The following ITFG2 variants were observed in gnomAD, a reference collection of about 807,000 sequenced individuals.
ITFG2 encodes the protein KICSTOR complex protein ITFG2.
Under a neutral mutation model 54.4 loss-of-function variants are expected in ITFG2, and 36 were observed. The ratio of observed to expected loss-of-function variants is 0.66; its 90% CI spans 0.51 to 0.87. The LOEUF is 0.87. ITFG2 is among the 40% of genes least tolerant of loss of function. The pLI, the probability that ITFG2 is intolerant of heterozygous loss-of-function variation, is 0.00. For synonymous variants in ITFG2, 211 were observed against 225.4 expected (o/e 0.94, Z 0.57); for missense variants, 524 against 576.7 (o/e 0.91, Z 0.94).
At position 2,812,708 on chromosome 12, in the gene ITFG2, G is replaced by T; in HGVS notation, c.-53G>T. ...CCGCTCTGGCGGCTGTCGCGACGGG[G>T]GTTCAGGGAATATTTACTGGGCCTC... is the stretch of plus-strand genomic sequence containing the variant. On this transcript the variant is annotated 5_prime_UTR_variant, in exon 1 of 12. Coordinates refer to ENST00000228799, the MANE Select transcript of ITFG2 (RefSeq NM_018463.4). 1.3e-6 allele frequency: 2 copies of T among 1,508,366 alleles called. No homozygotes were observed. Among genetic ancestry groups the T allele is most frequent in the Non-Finnish European group, 1.8e-6 (2 of 1,087,240 alleles). The allele number at this position is 1,508,366 out of a possible 1,614,324, so 93.4% of individuals were successfully genotyped here. A position where few individuals can be genotyped will look rare whatever the true frequency, so the allele number is the denominator to read the frequency against.
At chr12:2,854,798 G>A (rs2098081993) in intron 2 of ITFG2, 4 of 1,266,616 alleles carry the variant, frequency 3.2e-6, no homozygotes, top group Non-Finnish European at 4.3e-6. Context: ...CCAGAGCGGG[G>A]AAGGACAGAG....
At chr12:2,854,923 T>C in intron 2 of ITFG2, 1 of 1,535,414 alleles carries the variant, frequency 6.5e-7, no homozygotes. Flanking sequence ...CGGCTGGATG[T>C]TGCCCTGGGC....
downstream of ITFG2, among the ~76,000 whole-genome samples, chr12:2,831,741 TTCTC>T (rs1013438266): frequency 6.6e-6 from 1 of 152,088 alleles, no homozygotes; most frequent in Non-Finnish European, 1.5e-5. Context: ...CCTCCTTTCC[TTCTC>T]TCTCTTCTTT....
chr12:2,846,119 GTC>G (rs1603486202), intron 2 of ITFG2, among the ~76,000 whole-genome samples: 2 of 152,170 alleles, frequency 1.3e-5, no homozygotes, highest in African/African-American at 2.4e-5. Context: ...TTACTTCTGT[GTC>G]TCTGGCCGAT....
At position 2,845,151 on chromosome 12, in the gene ITFG2, A is replaced by G. The variant is rs1288243180; in HGVS notation, n.300+4156A>G. ...GCACAACTAAGGACAGGGCTCAGTG[A>G]TGGAAAAGAGGCATGAAGACAAGGG... On this transcript the variant is annotated intron_variant and non_coding_transcript_variant, in intron 2 of 3. Transcript: ENST00000537710. This position sits in a 1 kb window ranked among gnomAD's most constrained non-coding sequence, Gnocchi z 4.2. Among the ~76,000 whole-genome samples, 2 of 152,128 alleles carry G rather than the reference A, an allele frequency of 1.3e-5. No homozygotes were observed. The highest frequency in any genetic ancestry group is 4.8e-5 in the African/African-American group (2 of 41,424).
At chr12:2,850,391 T>C (rs2098066124) in intron 2 of ITFG2, among the ~76,000 whole-genome samples, 1 of 150,568 alleles carries the variant, frequency 6.6e-6, no homozygotes, top group Non-Finnish European at 1.5e-5. Flanking sequence ...GGAGAATCAC[T>C]TGAACCCGGG....
At chr12:2,820,972 C>A in intron 6 of ITFG2, 100 bp downstream of exon 6, 1 of 1,278,874 alleles carries the variant, frequency 7.8e-7, no homozygotes, top group Non-Finnish European at 1.1e-6. Context: ...GTTGGCAGAG[C>A]TGCCTCATCT....
chr12:2,847,535 C>A (rs930051705), intron 2 of ITFG2, among the ~76,000 whole-genome samples: 1 of 152,016 alleles, frequency 6.6e-6, no homozygotes, highest in Non-Finnish European at 1.5e-5. Context: ...GGCATCGTGG[C>A]GCACGCCTGT....
Position 2,821,780 on chromosome 12 carries a change from A to G in ITFG2, c.936A>G (p.Lys312=). ...QVDHQLFALE[K]LDVTGNGHEE... is the part of the protein sequence containing the mutation. ...ATCACCAGCTCTTTGCCCTGGAGAA[A>G]CTGGATGTCACCGTGAGTGGAAAAC... Residue 312 remains lysine (K), a synonymous_variant, in exon 9 of 12, where the codon AAA becomes AAG. Transcript: ENST00000228799. 6.2e-7 allele frequency: 1 copy of G among 1,613,624 alleles called. No homozygotes were observed. The highest frequency in any genetic ancestry group is 8.5e-7 in the Non-Finnish European group (1 of 1,179,632).
chr12:2,852,224 C>T (rs893214145), intron 2 of ITFG2, among the ~76,000 whole-genome samples: 4 of 152,190 alleles, frequency 2.6e-5, no homozygotes, highest in East Asian at 1.9e-4. Context: ...CCTGGGCCTA[C>T]AGCAGTAAAC....
intron 1 of ITFG2, among the ~76,000 whole-genome samples, chr12:2,840,311 G>A (rs1204182568): frequency 1.8e-4 from 27 of 151,860 alleles, no homozygotes; most frequent in Admixed American, 1.8e-3. Context: ...AAATTAGCTG[G>A]GTGTGGTGGC....
intron 2 of ITFG2, chr12:2,855,498 G>A: frequency 7.4e-7 from 1 of 1,343,122 alleles, no homozygotes; most frequent in Non-Finnish European, 9.7e-7. Flanking sequence ...CAGGGGTGCA[G>A]AAAGGTGGGT....
chr12:2,831,523 G>T (rs1434333251), downstream of ITFG2, among the ~76,000 whole-genome samples: 1 of 151,870 alleles, frequency 6.6e-6, no homozygotes, highest in Non-Finnish European at 1.5e-5. Flanking sequence ...GGCAGAGGTT[G>T]CAATGAGCCA....
intron 3 of ITFG2, chr12:2,859,213 C>A: frequency 6.2e-7 from 1 of 1,612,216 alleles, no homozygotes; most frequent in Non-Finnish European, 8.5e-7. Flanking sequence ...GGGAGCTCTG[C>A]GGCCCAGCGG....
Position 2,838,963 on chromosome 12 carries a change from C to T in ITFG2, n.147-1879C>T, listed in dbSNP as rs549102601. Among the ~76,000 whole-genome samples the T allele has an allele frequency of 7.9e-5, 12 of 152,018 alleles. No homozygotes were observed. In the South Asian group the frequency reaches 1.3e-3, roughly 16 times the overall value. The stretch of plus-strand genomic sequence containing the variant: ...GCCCATGACAGCTCAGTCTCCTCCC[C>T]TCATAACTTTTTTACCTAACAGAGA... On this transcript the variant is annotated intron_variant and non_coding_transcript_variant, in intron 1 of 3. Transcript: ENST00000537710.
intron 2 of ITFG2, among the ~76,000 whole-genome samples, chr12:2,853,305 C>T (rs181761572): frequency 3.2e-4 from 49 of 152,078 alleles, no homozygotes; most frequent in African/African-American, 1.0e-3. Context: ...AACAAAGTCT[C>T]GCTCTTGTCA....
rs532160852 is a variant in ITFG2, at chr12:2,818,769, C to T, written c.406+492C>T. On this transcript the variant is annotated intron_variant, in intron 4 of 11. Transcript: ENST00000228799. ...GTGATGGCTCATCCCTATAATCCCA[C>T]GACTTTGGGAGGCCAAGGCAGGCAG... 6 of 167,732 alleles carry T rather than the reference C, an allele frequency of 3.6e-5. No homozygotes were observed. The East Asian group carries it at 5.0e-4, about 14-fold the overall frequency. 10.4% of individuals were successfully genotyped at this position (167,732 alleles called of 1,614,324 possible).
upstream of ITFG2, among the ~76,000 whole-genome samples, chr12:2,836,088 C>T (rs577007690): frequency 3.7e-4 from 57 of 152,324 alleles, no homozygotes; most frequent in South Asian, 6.2e-3. Flanking sequence ...TTTTTGCACA[C>T]ATCTCCTGGG....
Position 2,812,687 on chromosome 12 carries a change from T to G in ITFG2, c.-74T>G. Reference sequence around the variant, plus strand: ...CTTGCTGCCTTAGGTGGCCTTCCGCTCTGGCGGCTGTCGCGACGGGGGTTC... The same window carrying G: ...CTTGCTGCCTTAGGTGGCCTTCCGCGCTGGCGGCTGTCGCGACGGGGGTTC... On this transcript the variant is annotated 5_prime_UTR_variant, in exon 1 of 12. Coordinates refer to ENST00000228799, the MANE Select transcript of ITFG2 (RefSeq NM_018463.4). The G allele has an allele frequency of 7.6e-7, 1 of 1,319,622 alleles. No homozygotes were observed. Among genetic ancestry groups the G allele is most frequent in the South Asian group, 1.2e-5 (1 of 83,938 alleles). The allele number at this position is 1,319,622 out of a possible 1,614,324, so 81.7% of individuals were successfully genotyped here. A position where few individuals can be genotyped will look rare whatever the true frequency, so the allele number is the denominator to read the frequency against.
Sources: gnomAD v4.1 joint callset for allele counts (sites outside exome capture counted in the v4.1 genomes callset) on GRCh38, gnomAD v4.1.1 for gene constraint, Gnocchi (gnomAD v3.1) non-coding constraint, MANE v1.5 for transcripts, NCBI Gene and HGNC (gene_info 2026-07-23, HGNC 2026-07-21) for gene names.